The following PHACTR1 variants were observed in gnomAD, a reference collection of about 807,000 sequenced individuals.
PHACTR1 encodes phosphatase and actin regulator 1.
A neutral mutation model predicts 69.2 loss-of-function variants in PHACTR1; 16 were observed. The observed-to-expected ratio is 0.23, with a 90% CI of 0.16 to 0.35. PHACTR1 has a LOEUF of 0.35. Among genes scored for constraint, PHACTR1 ranks in the 10% least tolerant of loss-of-function variants. The pLI, the probability that PHACTR1 is intolerant of heterozygous loss-of-function variation, is 1.00. For missense variants in PHACTR1, 510 were observed against 734.7 expected (o/e 0.69, Z 3.54); for synonymous variants, 312 against 284.5 (o/e 1.10, Z -0.97).
At chr6:12,967,930 C>G (rs1248632578) in intron 4 of PHACTR1, among the ~76,000 whole-genome samples, 1 of 152,182 alleles carries the variant, frequency 6.6e-6, no homozygotes, top group Non-Finnish European at 1.5e-5. Context: ...CAGGAAGTTC[C>G]GTTTTGCCAA....
In PHACTR1 at chr6:13,278,337, G is replaced by A. The variant is rs761275787; in HGVS notation, c.1509+8G>A. On this transcript the variant is annotated splice_region_variant and intron_variant, in intron 12 of 14. Transcript: ENST00000332995. Reference sequence around the variant, plus strand: ...AGGAGGCTAACCCGAAAGGTAGGTGGTTCTCCATGCCAAGAGCTGGGACAG... The same window carrying A: ...AGGAGGCTAACCCGAAAGGTAGGTGATTCTCCATGCCAAGAGCTGGGACAG... 316 of 1,588,374 alleles carry A rather than the reference G, an allele frequency of 2.0e-4. No homozygotes were observed. Among genetic ancestry groups the A allele is most frequent in the Admixed American group, 3.6e-4 (20 of 55,864 alleles).
Position 12,924,121 on chromosome 6 carries a change from T to C in PHACTR1, c.251-129244T>C, listed in dbSNP as rs555042231. Among the ~76,000 whole-genome samples the C allele has an allele frequency of 5.8e-4, 89 of 152,324 alleles. No individual in the cohort carries two copies. In the Middle Eastern group the frequency reaches 0.01, roughly 17 times the overall value. The stretch of plus-strand genomic sequence containing the variant: ...TAAGTTTTGGAGGCAGTAGTTTAGA[T>C]GATATAAAATATTTGCCCTTAAAGC... On this transcript the variant is annotated intron_variant, in intron 4 of 14. Coordinates refer to ENST00000332995, the MANE Select transcript of PHACTR1 (RefSeq NM_030948.6).
intron 4 of PHACTR1, among the ~76,000 whole-genome samples, chr6:12,894,343 G>T (rs113766014): frequency 6.6e-6 from 1 of 152,214 alleles, no homozygotes; most frequent in African/African-American, 2.4e-5. Flanking sequence ...AGTGGCTGAC[G>T]CCTATAATCT....
chr6:13,121,846 T>G (rs1428685853), intron 5 of PHACTR1, among the ~76,000 whole-genome samples: 1 of 152,192 alleles, frequency 6.6e-6, no homozygotes, highest in Non-Finnish European at 1.5e-5. Context: ...TGAGCAAGGC[T>G]TCACAGTGAA....
At chr6:13,161,291 A>G (rs1371673005) in intron 6 of PHACTR1, among the ~76,000 whole-genome samples, 1 of 152,044 alleles carries the variant, frequency 6.6e-6, no homozygotes, top group Non-Finnish European at 1.5e-5. Flanking sequence ...GCAATTTTCA[A>G]TTGAACTTGC....
chr6:13,160,864 C>T (rs528971332), intron 6 of PHACTR1, among the ~76,000 whole-genome samples: 2 of 152,146 alleles, frequency 1.3e-5, no homozygotes, highest in Non-Finnish European at 2.9e-5. Context: ...TGGTGAATAC[C>T]ACGTGTCCTT....
At chr6:12,987,005 A>G (rs10948377) in intron 4 of PHACTR1, among the ~76,000 whole-genome samples, 35,108 of 152,112 alleles carry the variant, frequency 0.23, 5,024 homozygotes, top group East Asian at 0.33. Flanking sequence ...TCATCTGTGC[A>G]TTTTTTACAA....
intron 4 of PHACTR1, among the ~76,000 whole-genome samples, chr6:12,829,964 A>AAGAAAGAGAG (rs1554146291): frequency 2.6e-4 from 26 of 99,854 alleles, no homozygotes; most frequent in Non-Finnish European, 4.2e-4. Flanking sequence ...TCAAGAAAGA[A>AAGAAAGAGAG]AGAGAGAGAG....
chr6:12,871,544 C>T (rs755485391), intron 4 of PHACTR1, among the ~76,000 whole-genome samples: 29 of 152,092 alleles, frequency 1.9e-4, no homozygotes, highest in Non-Finnish European at 3.8e-4. Context: ...GTTTCATCCC[C>T]ATAGTGTCAT....
At chr6:13,001,843 A>G (rs771092822) in intron 4 of PHACTR1, among the ~76,000 whole-genome samples, 10 of 152,296 alleles carry the variant, frequency 6.6e-5, no homozygotes, top group East Asian at 1.9e-4. Flanking sequence ...AATTTCACTA[A>G]TTTCTAAGGC....
chr6:12,963,185 G>A (rs76753585), intron 4 of PHACTR1, among the ~76,000 whole-genome samples: 3,226 of 152,268 alleles, frequency 0.021, 49 homozygotes, highest in Middle Eastern at 0.037. Flanking sequence ...AGGAACTGAC[G>A]CTTCTTCCAA....
chr6:12,908,167 C>T (rs80263913), intron 4 of PHACTR1, among the ~76,000 whole-genome samples: 4 of 152,268 alleles, frequency 2.6e-5, no homozygotes, highest in East Asian at 3.9e-4. Context: ...AACCAAGAAT[C>T]GCACCTGGGC....
At chr6:13,111,467 A>C (rs1817022207) in intron 5 of PHACTR1, among the ~76,000 whole-genome samples, 1 of 152,176 alleles carries the variant, frequency 6.6e-6, no homozygotes, top group South Asian at 2.1e-4. Context: ...ATAGTAGAGA[A>C]AATCTTACAA....
At chr6:12,720,200 T>C (rs1761920613) in intron 3 of PHACTR1, among the ~76,000 whole-genome samples, 1 of 152,196 alleles carries the variant, frequency 6.6e-6, no homozygotes, top group Non-Finnish European at 1.5e-5. Flanking sequence ...TTAGGCTCAA[T>C]TCCTTCTCCA....
intron 5 of PHACTR1, among the ~76,000 whole-genome samples, chr6:13,123,050 A>G (rs1467211960): frequency 6.6e-6 from 1 of 152,212 alleles, no homozygotes; most frequent in Admixed American, 6.5e-5. Flanking sequence ...AGAACGTAGC[A>G]AATTTCCCAG....
At chr6:12,919,754 A>G (rs887357203) in intron 4 of PHACTR1, among the ~76,000 whole-genome samples, 26 of 152,192 alleles carry the variant, frequency 1.7e-4, no homozygotes, top group African/African-American at 6.3e-4. Context: ...TTATGCCTGT[A>G]GTTAGTGTTT....
chr6:13,133,905 G>T (rs80210445), intron 5 of PHACTR1, among the ~76,000 whole-genome samples: 1 of 150,882 alleles, frequency 6.6e-6, no homozygotes, highest in African/African-American at 2.4e-5. Flanking sequence ...TCTCTGCCCG[G>T]CCGCCCATCG....
intron 4 of PHACTR1, among the ~76,000 whole-genome samples, chr6:13,006,124 G>A (rs1484772377): frequency 6.6e-6 from 1 of 152,198 alleles, no homozygotes; most frequent in African/African-American, 2.4e-5. Flanking sequence ...CAACTACAGT[G>A]TGTTTTAAAG....
At chr6:12,775,427 G>A (rs1366572158) in intron 4 of PHACTR1, among the ~76,000 whole-genome samples, 1 of 152,170 alleles carries the variant, frequency 6.6e-6, no homozygotes, top group Non-Finnish European at 1.5e-5. Context: ...ACACACATCT[G>A]TTTCCACTCA....
Sources: gnomAD v4.1 joint callset for allele counts (sites outside exome capture counted in the v4.1 genomes callset) on GRCh38, gnomAD v4.1.1 for gene constraint, MANE v1.5 for transcripts, NCBI Gene and HGNC (gene_info 2026-07-23, HGNC 2026-07-21) for gene names.